ZFPM2: variants seen among roughly 807,000 people sequenced by gnomAD.
The protein encoded by ZFPM2 is zinc finger protein ZFPM2.
A neutral mutation model predicts 98.6 loss-of-function variants in ZFPM2; 20 were observed. The ratio of observed to expected loss-of-function variants is 0.20; its 90% CI spans 0.14 to 0.29. The LOEUF is 0.29. Among genes scored for constraint, ZFPM2 ranks in the 10% least tolerant of loss-of-function variants. The pLI is 1.00. For synonymous variants in ZFPM2, 518 were observed against 502.7 expected (o/e 1.03, Z -0.41); for missense variants, 1,310 against 1,388.6 (o/e 0.94, Z 0.90).
intron 3 of ZFPM2, among the ~76,000 whole-genome samples, chr8:105,510,142 G>A (rs1025800471): frequency 6.6e-5 from 10 of 152,194 alleles, no homozygotes; most frequent in South Asian, 2.1e-4. Context: ...TACCCTTTAT[G>A]TGGTCTTACC....
chr8:105,620,072 ATATTTC>A (rs1695772295), intron 4 of ZFPM2, among the ~76,000 whole-genome samples: 1 of 152,038 alleles, frequency 6.6e-6, no homozygotes, highest in Non-Finnish European at 1.5e-5. Context: ...GGGTCAAATG[ATATTTC>A]TAGTTCTAGA....
At chr8:105,588,324 A>G (rs529640601) in intron 4 of ZFPM2, among the ~76,000 whole-genome samples, 5 of 152,098 alleles carry the variant, frequency 3.3e-5, no homozygotes, top group African/African-American at 9.7e-5. Flanking sequence ...CTCACGGTTT[A>G]TGGAAAAGAA....
At chr8:105,399,353 G>A (rs1194252240) in intron 1 of ZFPM2, among the ~76,000 whole-genome samples, 1 of 152,150 alleles carries the variant, frequency 6.6e-6, no homozygotes, top group Non-Finnish European at 1.5e-5. Flanking sequence ...TCAAAATAGG[G>A]ACACAAGAAG....
intron 5 of ZFPM2, among the ~76,000 whole-genome samples, chr8:105,698,525 G>T (rs1811071145): frequency 6.6e-6 from 1 of 152,160 alleles, no homozygotes; most frequent in African/African-American, 2.4e-5. Flanking sequence ...ATACAAAAAG[G>T]AATATATTAA....
At chr8:105,360,440 T>C (rs1812834395) in intron 1 of ZFPM2, among the ~76,000 whole-genome samples, 1 of 152,164 alleles carries the variant, frequency 6.6e-6, no homozygotes. Context: ...TAACATAGCT[T>C]GTTTAAAAGA....
chr8:105,361,430 C>G (rs1812859342), intron 1 of ZFPM2, among the ~76,000 whole-genome samples: 1 of 150,122 alleles, frequency 6.7e-6, no homozygotes, highest in Non-Finnish European at 1.5e-5. Flanking sequence ...GTTGCCTGTT[C>G]ACTCTGATGG....
At chr8:105,387,698 G>A (rs1811028346) in intron 1 of ZFPM2, 1 of 157,200 alleles carries the variant, frequency 6.4e-6, no homozygotes, top group Non-Finnish European at 1.4e-5. Flanking sequence ...CAAGCTGAGG[G>A]AGCCGGCTCC....
chr8:105,380,738 A>ATATATATATATTATATATAACATATAT lies in ZFPM2; in HGVS notation c.41-38397_41-38396insATTATATATAACATATATTATATATAT, dbSNP rs1810851971. 6.8e-5 allele frequency among the ~76,000 whole-genome samples: 3 copies of ATATATATATATTATATATAACATATAT among 44,332 alleles called. 1 individual carries two copies. Among genetic ancestry groups the ATATATATATATTATATATAACATATAT allele is most frequent in the Non-Finnish European group, 1.0e-4 (3 of 28,760 alleles). The allele number at this position is 44,332 out of a possible 152,430, so 29.1% of individuals were successfully genotyped here. On this transcript the variant is annotated intron_variant, in intron 1 of 7. Transcript: ENST00000407775. ...ATATATTATATATAACATATATATT[A>ATATATATATATTATATATAACATATAT]TATATATATGTTATATATAACATAT... is the stretch of plus-strand genomic sequence containing the variant.
chr8:105,646,906 T>A (rs1275283890), intron 5 of ZFPM2, among the ~76,000 whole-genome samples: 1 of 152,150 alleles, frequency 6.6e-6, no homozygotes, highest in Non-Finnish European at 1.5e-5. Context: ...ATCTAAAGGC[T>A]CTATACGCCA....
At chr8:105,370,400 G>C (rs981482994) in intron 1 of ZFPM2, among the ~76,000 whole-genome samples, 7 of 152,164 alleles carry the variant, frequency 4.6e-5, no homozygotes, top group Non-Finnish European at 8.8e-5. Context: ...TGAAATTTCA[G>C]CCTAGAAGTG....
At chr8:105,414,847 T>A (rs1563648043) in intron 1 of ZFPM2, 1 of 152,004 alleles carries the variant, frequency 6.6e-6, no homozygotes, top group Admixed American at 6.6e-5. Context: ...TAATCTTTAA[T>A]GCCCCATTTG....
intron 5 of ZFPM2, among the ~76,000 whole-genome samples, chr8:105,720,149 A>C (rs3779776): frequency 6.6e-6 from 1 of 151,700 alleles, no homozygotes; most frequent in African/African-American, 2.4e-5. Context: ...AATTTTACTA[A>C]CCAGCATTCT....
chr8:105,457,211 A>G (rs949697503), intron 3 of ZFPM2, among the ~76,000 whole-genome samples: 3 of 152,136 alleles, frequency 2.0e-5, no homozygotes, highest in African/African-American at 7.2e-5. Flanking sequence ...TCAGTAGCAC[A>G]TTTGGACCTT....
chr8:105,322,882 C>T lies in ZFPM2; in HGVS notation c.40+3901C>T, dbSNP rs377669536. 2.7e-4 allele frequency among the ~76,000 whole-genome samples: 41 copies of T among 152,050 alleles called. No individual in the cohort carries two copies. In the East Asian group the frequency reaches 6.4e-3, roughly 24 times the overall value. On this transcript the variant is annotated intron_variant, in intron 1 of 7. Coordinates refer to ENST00000407775, the MANE Select transcript of ZFPM2 (RefSeq NM_012082.4). ...CATTTTGTTATTTGAGATGATATAACAATTTTAGGCCGTACGAATTCCTAA... is the reference window on the plus strand; with the variant it reads ...CATTTTGTTATTTGAGATGATATAATAATTTTAGGCCGTACGAATTCCTAA...
At chr8:105,692,190 T>G (rs1215791484) in intron 5 of ZFPM2, among the ~76,000 whole-genome samples, 3 of 152,210 alleles carry the variant, frequency 2.0e-5, no homozygotes, top group Non-Finnish European at 4.4e-5. Flanking sequence ...AAAACATTTG[T>G]TTAATTTGTA....
intron 5 of ZFPM2, among the ~76,000 whole-genome samples, chr8:105,701,848 A>G (rs530636660): frequency 1.3e-5 from 2 of 152,330 alleles, no homozygotes; most frequent in African/African-American, 4.8e-5. Flanking sequence ...TCGTTTAAGC[A>G]TAAACAAATC....
intron 5 of ZFPM2, among the ~76,000 whole-genome samples, chr8:105,746,582 G>A (rs1812350880): frequency 6.6e-6 from 1 of 151,182 alleles, no homozygotes; most frequent in Non-Finnish European, 1.5e-5. Context: ...TATTTTCTTA[G>A]CAGATATGTG....
chr8:105,665,751 C>T (rs1199709662), intron 5 of ZFPM2, among the ~76,000 whole-genome samples: 2 of 152,146 alleles, frequency 1.3e-5, no homozygotes, highest in African/African-American at 4.8e-5. Flanking sequence ...TGTAAATTAT[C>T]AAACTTCTGT....
chr8:105,740,563 T>G (rs1812189788), intron 5 of ZFPM2, among the ~76,000 whole-genome samples: 1 of 148,000 alleles, frequency 6.8e-6, no homozygotes, highest in Non-Finnish European at 1.5e-5. Context: ...TATATACATG[T>G]GTTATATATG....
Sources: allele counts gnomAD v4.1 joint callset (sites outside exome capture counted in the v4.1 genomes callset), GRCh38; gene constraint gnomAD v4.1.1; transcripts MANE v1.5; gene names NCBI Gene and HGNC (gene_info 2026-07-23, HGNC 2026-07-21).